The following CLEC16A variants were observed in gnomAD, a reference collection of about 807,000 sequenced individuals.
CLEC16A encodes protein CLEC16A.
CLEC16A carries 51 observed loss-of-function variants against 109.5 expected under a neutral mutation model. That is an observed-to-expected ratio of 0.47 (90% confidence interval 0.37 to 0.59). The LOEUF is 0.59. Ranked by LOEUF, CLEC16A falls within the 20% of genes least tolerant of loss-of-function variation. CLEC16A has a pLI of 0.00. For synonymous variants in CLEC16A, 673 were observed against 564.2 expected, an observed-to-expected ratio of 1.19 and a Z score of -2.73; for missense variants, 1,339 against 1,394.0, an observed-to-expected ratio of 0.96 and a Z score of 0.63.
At chr16:10,963,148 T>C (rs1055939541) in intron 3 of CLEC16A, among the ~76,000 whole-genome samples, 17 of 152,162 alleles carry the variant, frequency 1.1e-4, no homozygotes, top group African/African-American at 2.9e-4. Flanking sequence ...ACGGCCACCC[T>C]CTTGCTGTGC....
At chr16:11,149,069 G>A (rs1215539730) in intron 22 of CLEC16A, among the ~76,000 whole-genome samples, 1 of 152,218 alleles carries the variant, frequency 6.6e-6, no homozygotes, top group Non-Finnish European at 1.5e-5. Context: ...AAAGGACAGG[G>A]AGAAAGAGAG....
intron 10 of CLEC16A, among the ~76,000 whole-genome samples, chr16:10,994,924 G>A (rs369833114): frequency 1.5e-4 from 23 of 152,328 alleles, no homozygotes; most frequent in Non-Finnish European, 2.5e-4. Context: ...GAAGGGAATC[G>A]TGTTTGAGCC....
intron 3 of CLEC16A, among the ~76,000 whole-genome samples, chr16:10,966,053 CT>C (rs1400596715): frequency 6.6e-6 from 1 of 152,192 alleles, no homozygotes; most frequent in African/African-American, 2.4e-5. Context: ...CTCCCTACTT[CT>C]CCCCCAGCAA....
chr16:11,171,386 G>C (rs891465325), intron 23 of CLEC16A, among the ~76,000 whole-genome samples: 1 of 152,184 alleles, frequency 6.6e-6, no homozygotes, highest in Non-Finnish European at 1.5e-5. Context: ...AGTCAACACC[G>C]AACTCCCTGA....
chr16:10,993,865 C>T (rs992078589), intron 10 of CLEC16A, among the ~76,000 whole-genome samples: 2 of 152,182 alleles, frequency 1.3e-5, no homozygotes, highest in African/African-American at 4.8e-5. Flanking sequence ...GAGACAGTGC[C>T]AGACATGCTG....
chr16:11,110,650 C>T (rs969359791), intron 19 of CLEC16A, among the ~76,000 whole-genome samples: 2 of 152,118 alleles, frequency 1.3e-5, no homozygotes. Context: ...GCTGGGAGAA[C>T]ACTAGGACCA....
intron 13 of CLEC16A, among the ~76,000 whole-genome samples, chr16:11,030,610 T>TA (rs932395021): frequency 5.9e-5 from 9 of 152,232 alleles, no homozygotes; most frequent in Admixed American, 3.9e-4. Context: ...TTGAATTGAG[T>TA]AAAAAAAATA....
intron 10 of CLEC16A, among the ~76,000 whole-genome samples, chr16:10,993,104 G>A (rs1304336628): frequency 6.6e-6 from 1 of 152,146 alleles, no homozygotes; most frequent in African/African-American, 2.4e-5. Context: ...TATAGAAGAT[G>A]AACCTGGCTG....
intron 19 of CLEC16A, among the ~76,000 whole-genome samples, chr16:11,106,912 G>A (rs1218841923): frequency 6.6e-6 from 1 of 152,164 alleles, no homozygotes; most frequent in African/African-American, 2.4e-5. Flanking sequence ...GCCCAGGCCC[G>A]GCTTGGGACT....
intron 17 of CLEC16A, among the ~76,000 whole-genome samples, chr16:11,049,170 G>T (rs1292052030): frequency 1.3e-5 from 2 of 152,058 alleles, no homozygotes; most frequent in African/African-American, 4.8e-5. Flanking sequence ...ACTACGCCCA[G>T]CTAATTTTTG....
chr16:11,136,652 C>T (rs910528220), intron 22 of CLEC16A, among the ~76,000 whole-genome samples: 12 of 152,224 alleles, frequency 7.9e-5, no homozygotes, highest in Admixed American at 4.6e-4. Context: ...TTTCCCTGGG[C>T]GTTGGTAAAA....
chr16:10,972,396 T>C (rs1567523209), intron 5 of CLEC16A, 158 bp from the exon 6 acceptor site: 5 of 648,670 alleles, frequency 7.7e-6, no homozygotes, highest in Non-Finnish European at 1.4e-5. Context: ...CTCTGTTTTC[T>C]CCTGTCTCCT....
rs34014519 is a variant in CLEC16A, at chr16:11,043,079, T to TAC, written c.1770+732_1770+733dup. On this transcript the variant is annotated intron_variant, in intron 15 of 23. Coordinates refer to ENST00000409790, the MANE Select transcript of CLEC16A (RefSeq NM_015226.3). Reference sequence around the variant, plus strand: ...GTGTATATATGTTTGTGTATATATATACACACACACACACACATGCTTACA... The same window carrying TAC: ...GTGTATATATGTTTGTGTATATATATACACACACACACACACACATGCTTACA... Among the ~76,000 whole-genome samples, 362 of 150,820 alleles carry TAC rather than the reference T, an allele frequency of 2.4e-3. 2 individuals are homozygous for TAC. The highest frequency in any genetic ancestry group is 6.0e-3 in the East Asian group (31 of 5,148).
chr16:11,125,729 A>C (rs530509681), intron 21 of CLEC16A, among the ~76,000 whole-genome samples: 1 of 152,284 alleles, frequency 6.6e-6, no homozygotes, highest in Non-Finnish European at 1.5e-5. Flanking sequence ...CCCAGGCTCA[A>C]ACCCCTTTCT....
chr16:10,964,894 A>C (rs1367128918), intron 3 of CLEC16A, among the ~76,000 whole-genome samples: 1 of 152,294 alleles, frequency 6.6e-6, no homozygotes, highest in East Asian at 1.9e-4. Flanking sequence ...TTGTGTGTGC[A>C]CCTTGGGTGA....
chr16:11,178,640 G>T lies in CLEC16A; in HGVS notation c.3112G>T (p.Val1038Leu). The change falls in exon 24 of 24, where the codon GTG (valine) becomes TTG (leucine). Residue 1038 changes from valine to leucine, a missense_variant. By Grantham distance (32) the Val-to-Leu change is conservative. Transcript: ENST00000409790. The surrounding 1 kb of genome is among the most constrained non-coding windows in gnomAD (Gnocchi z 6.5). Reference sequence around the variant, plus strand: ...GCCGGCTGCCGCCTGCACAGAGCCCGTGGGCGAAGAGGCTGCATGTGCTGA... The same window carrying T: ...GCCGGCTGCCGCCTGCACAGAGCCCTTGGGCGAAGAGGCTGCATGTGCTGA... ...STPAAACTEP[V>L]GEEAACAEPV... 1 of 1,582,364 alleles carries T rather than the reference G, an allele frequency of 6.3e-7. No homozygotes were observed.
Position 11,050,857 on chromosome 16 carries a change from G to A in CLEC16A, c.1867-656G>A, listed in dbSNP as rs190578257. Among the ~76,000 whole-genome samples, 202 of 152,372 alleles carry A rather than the reference G, an allele frequency of 1.3e-3. 3 individuals carry two copies. Among genetic ancestry groups the A allele is most frequent in the African/African-American group, 4.3e-3 (178 of 41,594 alleles). ...TGTGTTATATTATCCCAGGTAAGAT[G>A]TGAAGGGGACAAGGAAGGAAGGGGA... On this transcript the variant is annotated intron_variant, in intron 17 of 23. Coordinates refer to ENST00000409790, the MANE Select transcript of CLEC16A (RefSeq NM_015226.3).
intron 13 of CLEC16A, among the ~76,000 whole-genome samples, chr16:11,034,988 A>C (rs1335284399): frequency 1.3e-5 from 2 of 152,072 alleles, no homozygotes; most frequent in African/African-American, 2.4e-5. Context: ...TTTCACATGC[A>C]TGCCCCTGTT....
chr16:11,000,052 G>C (rs970711891), intron 10 of CLEC16A, among the ~76,000 whole-genome samples: 2 of 152,200 alleles, frequency 1.3e-5, no homozygotes, highest in East Asian at 3.8e-4. Flanking sequence ...TGGCCAGGCT[G>C]CTCTTGAATA....
Sources: allele counts gnomAD v4.1 joint callset (sites outside exome capture counted in the v4.1 genomes callset), GRCh38; gene constraint gnomAD v4.1.1; non-coding constraint Gnocchi (gnomAD v3.1); transcripts MANE v1.5; gene names NCBI Gene and HGNC (gene_info 2026-07-23, HGNC 2026-07-21).